The following TBL1XR1 variants were observed in gnomAD, a reference collection of about 807,000 sequenced individuals.
TBL1XR1 encodes the protein TBL1X/Y related 1.
In TBL1XR1, 5 loss-of-function variants were observed where a neutral mutation model predicts 66.9. The observed-to-expected ratio is 0.07, with a 90% CI of 0.04 to 0.16. The LOEUF (loss-of-function observed/expected upper bound fraction) is 0.16, where lower values mean the gene tolerates loss of function less well. Among genes scored for constraint, TBL1XR1 ranks in the 10% least tolerant of loss-of-function variants. The pLI is 1.00. For synonymous variants in TBL1XR1, 210 were observed against 206.0 expected, an observed-to-expected ratio of 1.02 and a Z score of -0.17; for missense variants, 238 against 623.2, an observed-to-expected ratio of 0.38 and a Z score of 6.58.
intron 2 of TBL1XR1, among the ~76,000 whole-genome samples, chr3:177,077,145 CAAAG>C (rs1194157593): frequency 6.6e-6 from 1 of 152,180 alleles, no homozygotes; most frequent in Non-Finnish European, 1.5e-5. Context: ...TGTCTACTAA[CAAAG>C]AACACTAACA....
intron 1 of TBL1XR1, among the ~76,000 whole-genome samples, chr3:177,173,109 C>A (rs1359475684): frequency 3.3e-5 from 5 of 152,174 alleles, no homozygotes; most frequent in Admixed American, 2.0e-4. Context: ...ATCGCTTGAA[C>A]CTGGGAGGCG....
rs555167809 is a variant in TBL1XR1, at chr3:177,073,623, A to C, written c.-45-8601T>G. On this transcript the variant is annotated intron_variant, in intron 2 of 15. Coordinates refer to ENST00000457928, the MANE Select transcript of TBL1XR1 (RefSeq NM_024665.7). ...GCATGTAACAAATGTTTTACTGAGT[A>C]CTACACTACACGCCTGCCACTGTTC... 2.6e-5 allele frequency among the ~76,000 whole-genome samples: 4 copies of C among 152,304 alleles called. No individual in the cohort carries two copies. In the South Asian group the frequency reaches 8.3e-4, roughly 32 times the overall value.
At chr3:177,029,862 ATATT>A (rs1713692061) in intron 14 of TBL1XR1, among the ~76,000 whole-genome samples, 1 of 152,224 alleles carries the variant, frequency 6.6e-6, no homozygotes, top group Non-Finnish European at 1.5e-5. Context: ...ATTTGAAAAG[ATATT>A]TAAACTAATT....
Position 177,097,449 on chromosome 3 carries a change from T to A in TBL1XR1, c.-46+1017A>T, listed in dbSNP as rs74354386. ...CTTGACATACAGCTAGAATAAACCT[T>A]AGAAAGTCCAATTCCATCACCTAAG... On this transcript the variant is annotated intron_variant, in intron 2 of 15. Transcript: ENST00000457928. Among the ~76,000 whole-genome samples the A allele has an allele frequency of 3.9e-4, 60 of 152,266 alleles. 3 individuals are homozygous for A. In the East Asian group the frequency reaches 0.012, roughly 29 times the overall value.
intron 1 of TBL1XR1, among the ~76,000 whole-genome samples, chr3:177,166,764 C>A (rs780821344): frequency 6.6e-6 from 1 of 152,136 alleles, no homozygotes; most frequent in East Asian, 1.9e-4. Flanking sequence ...CTACATACAC[C>A]ATTAGGGGAT....
chr3:177,178,674 C>T (rs2108958249), intron 1 of TBL1XR1, among the ~76,000 whole-genome samples: 1 of 152,120 alleles, frequency 6.6e-6, no homozygotes, highest in Admixed American at 6.5e-5. Flanking sequence ...TGGAGAAGCC[C>T]TAATTATACA....
At chr3:177,069,798 AAGGAAGGAAGGAAGGAAGG>A (rs1449840976) in intron 2 of TBL1XR1, among the ~76,000 whole-genome samples, 5 of 65,086 alleles carry the variant, frequency 7.7e-5, no homozygotes, top group African/African-American at 1.2e-4. Flanking sequence ...GAAGGAAAGG[AAGGAAGGAAGGAAGGAAGG>A]AAGGAAGGAA....
rs540790433 is a variant in TBL1XR1 at position 177,150,071 on chromosome 3, G to A, written c.-122+47050C>T. Among the ~76,000 whole-genome samples the A allele has an allele frequency of 1.9e-3, 291 of 152,158 alleles. 3 individuals are homozygous for A. Among genetic ancestry groups the A allele is most frequent in the African/African-American group, 6.1e-3 (255 of 41,522 alleles). ...TTCAATATTTAAACCACAAAGTCCCGTTTTTTCTCTTATCTGATTCCAAAC... is the reference window on the plus strand; with the variant it reads ...TTCAATATTTAAACCACAAAGTCCCATTTTTTCTCTTATCTGATTCCAAAC... On this transcript the variant is annotated intron_variant, in intron 1 of 15. Coordinates refer to ENST00000457928, the MANE Select transcript of TBL1XR1 (RefSeq NM_024665.7).
intron 2 of TBL1XR1, among the ~76,000 whole-genome samples, chr3:177,096,116 AATAAAT>A (rs1723445733): frequency 6.6e-6 from 1 of 152,190 alleles, no homozygotes. Flanking sequence ...TTTCAGAGAA[AATAAAT>A]ATGACATACT....
chr3:177,156,516 C>T (rs1236168310), intron 1 of TBL1XR1, among the ~76,000 whole-genome samples: 1 of 48,722 alleles, frequency 2.1e-5, no homozygotes, highest in Non-Finnish European at 5.6e-5. Flanking sequence ...TATATATATA[C>T]ATACACACAC....
chr3:177,180,191 C>T (rs1408287307), intron 1 of TBL1XR1, among the ~76,000 whole-genome samples: 2 of 133,892 alleles, frequency 1.5e-5, no homozygotes, highest in East Asian at 2.5e-4. Flanking sequence ...GAGCTGAGAT[C>T]GTGTCACTGC....
At chr3:177,166,817 G>A (rs1216114300) in intron 1 of TBL1XR1, among the ~76,000 whole-genome samples, 1 of 152,218 alleles carries the variant, frequency 6.6e-6, no homozygotes. Flanking sequence ...ACACCTATTA[G>A]AATGGTCAAA....
chr3:177,197,568 C>T (rs1737035985), upstream of TBL1XR1, among the ~76,000 whole-genome samples: 1 of 140,114 alleles, frequency 7.1e-6, no homozygotes, highest in Admixed American at 7.0e-5. Flanking sequence ...AGGCCCGCGG[C>T]GGCGGCGGCG....
intron 15 of TBL1XR1, chr3:177,026,122 A>G (rs1170221198): frequency 6.2e-6 from 3 of 485,096 alleles, no homozygotes. Context: ...CTAATTTCAT[A>G]AATGAAGGTT....
chr3:177,064,894 C>G (rs1718959993), intron 3 of TBL1XR1, 26 bp downstream of exon 3: 1 of 1,331,448 alleles, frequency 7.5e-7, no homozygotes, highest in Non-Finnish European at 1.0e-6. Flanking sequence ...TAATTTGAGG[C>G]CTATTTACTT....
chr3:177,201,075 CTG>C (rs922111140), upstream of TBL1XR1, among the ~76,000 whole-genome samples: 3 of 151,954 alleles, frequency 2.0e-5, no homozygotes, highest in Non-Finnish European at 4.4e-5. Flanking sequence ...ATACCAGTAA[CTG>C]TTATCAGAAG....
chr3:177,166,548 G>A (rs1732846821), intron 1 of TBL1XR1, among the ~76,000 whole-genome samples: 1 of 152,102 alleles, frequency 6.6e-6, no homozygotes, highest in Non-Finnish European at 1.5e-5. Context: ...GTTCTCTGAT[G>A]GTTTTATATG....
At chr3:177,178,983 G>A (rs915246499) in intron 1 of TBL1XR1, among the ~76,000 whole-genome samples, 2 of 152,044 alleles carry the variant, frequency 1.3e-5, no homozygotes, top group Non-Finnish European at 2.9e-5. Flanking sequence ...CGGGTGTGGT[G>A]GCGGGTGCCT....
chr3:177,161,261 C>T (rs1005145535), intron 1 of TBL1XR1, among the ~76,000 whole-genome samples: 2 of 152,106 alleles, frequency 1.3e-5, no homozygotes, highest in Non-Finnish European at 2.9e-5. Context: ...CTTGCTTTCC[C>T]ATGTGTTTCT....
Sources: allele counts gnomAD v4.1 joint callset (sites outside exome capture counted in the v4.1 genomes callset), GRCh38; gene constraint gnomAD v4.1.1; transcripts MANE v1.5; gene names NCBI Gene and HGNC (gene_info 2026-07-23, HGNC 2026-07-21).